Variants in USP49 observed in about 807,000 individuals in gnomAD.
USP49 encodes ubiquitin specific peptidase 49.
In USP49, 24 loss-of-function variants were observed where a neutral mutation model predicts 58.6. The observed-to-expected ratio is 0.41, with a 90% CI of 0.30 to 0.58. USP49 has a LOEUF of 0.58. Ranked by LOEUF, USP49 falls within the 20% of genes least tolerant of loss-of-function variation. The pLI is 0.30. For synonymous variants in USP49, 408 were observed against 365.1 expected, an observed-to-expected ratio of 1.12 and a Z score of -1.34; for missense variants, 703 against 866.1, an observed-to-expected ratio of 0.81 and a Z score of 2.36.
chr6:41,848,507 T>C (rs914139963), intron 3 of USP49, among the ~76,000 whole-genome samples: 1 of 151,862 alleles, frequency 6.6e-6, no homozygotes, highest in Non-Finnish European at 1.5e-5. Context: ...GCTGGGACTA[T>C]GGGTGCATGC....
Position 41,792,314 on chromosome 6 carries a change from A to G in USP49, c.*4219T>C, listed in dbSNP as rs1772811390. ...ATACTGCTTCCGGACATTTTTTGCA[A>G]AAGAACATCAGAACCAATGAAGGTA... On this transcript the variant is annotated 3_prime_UTR_variant, in exon 8 of 8. Transcript: ENST00000682992. The G allele has an allele frequency of 6.6e-6, 1 of 152,208 alleles. No individual in the cohort carries two copies. The highest frequency in any genetic ancestry group is 2.4e-5 in the African/African-American group (1 of 41,444). 9.4% of individuals were successfully genotyped at this position (152,208 alleles called of 1,614,324 possible).
chr6:41,835,353 T>G (rs759203498), intron 3 of USP49, among the ~76,000 whole-genome samples: 3 of 152,174 alleles, frequency 2.0e-5, no homozygotes, highest in Non-Finnish European at 4.4e-5. Context: ...GCAATTTAGA[T>G]TTGCTAGGTT....
chr6:41,842,004 C>T (rs1773836115), intron 3 of USP49, among the ~76,000 whole-genome samples: 1 of 152,074 alleles, frequency 6.6e-6, no homozygotes, highest in Non-Finnish European at 1.5e-5. Context: ...TTGCCATGAG[C>T]TGAGATTGTG....
At chr6:41,853,952 T>C (rs1774077229) in intron 3 of USP49, among the ~76,000 whole-genome samples, 1 of 134,762 alleles carries the variant, frequency 7.4e-6, no homozygotes, top group African/African-American at 2.8e-5. Context: ...TGAGCCAAGA[T>C]TGCGCCATTG....
chr6:41,836,927 A>G (rs1773739086), intron 3 of USP49, among the ~76,000 whole-genome samples: 1 of 152,142 alleles, frequency 6.6e-6, no homozygotes, highest in South Asian at 2.1e-4. Context: ...AGATCTCTAC[A>G]GCGAGAATTA....
chr6:41,863,048 A>G lies in USP49; in HGVS notation c.-29+8516T>C, dbSNP rs968232897. Among the ~76,000 whole-genome samples, 20 of 152,240 alleles carry G rather than the reference A, an allele frequency of 1.3e-4. 1 individual carries two copies. Among genetic ancestry groups the G allele is most frequent in the Admixed American group, 1.1e-3 (17 of 15,278 alleles). On this transcript the variant is annotated intron_variant, in intron 3 of 7. Transcript: ENST00000682992. ...CATCTCAGCCTCCCAAAATGTTGGG[A>G]TTACAGATGTGAGCCACCGCACCTG...
At chr6:41,868,465 T>C (rs1774359025) in intron 3 of USP49, among the ~76,000 whole-genome samples, 1 of 151,942 alleles carries the variant, frequency 6.6e-6, no homozygotes, top group Non-Finnish European at 1.5e-5. Flanking sequence ...GTAGCTGGGA[T>C]TACAGGCACA....
intron 3 of USP49, among the ~76,000 whole-genome samples, chr6:41,849,226 T>A (rs1429883321): frequency 6.6e-6 from 1 of 152,082 alleles, no homozygotes; most frequent in Non-Finnish European, 1.5e-5. Flanking sequence ...AAAAATGACA[T>A]GATAAAAGGG....
intron 4 of USP49, among the ~76,000 whole-genome samples, chr6:41,804,909 C>T (rs754799923): frequency 2.0e-5 from 3 of 152,126 alleles, no homozygotes; most frequent in East Asian, 1.9e-4. Flanking sequence ...CCACCACGCC[C>T]GGCTAATTTT....
chr6:41,841,147 C>G (rs1458577919), intron 3 of USP49, among the ~76,000 whole-genome samples: 1 of 152,140 alleles, frequency 6.6e-6, no homozygotes, highest in African/African-American at 2.4e-5. Context: ...TACTCATTGT[C>G]TGTCTCCCAA....
At chr6:41,878,938 T>C (rs1274344685) in intron 2 of USP49, among the ~76,000 whole-genome samples, 5 of 152,214 alleles carry the variant, frequency 3.3e-5, no homozygotes, top group Non-Finnish European at 4.4e-5. Context: ...GATAATTGCT[T>C]TGAATTGCTG....
rs548556992 is a variant in USP49, at chr6:41,806,332, C to T, written c.652G>A (p.Asp218Asn). ...SARLLLHTPR[D>N]AGPAASRPAA... ...GGGCGCGAGGCAGCCGGGCCCGCGT[C>T]GCGGGGCGTGTGCAGGAGCAGCCGT... The change falls in exon 4 of 8, where the codon GAC becomes AAC. Residue 218 changes from aspartate to asparagine, a missense_variant. This residue lies in a region of USP49 where 376 missense variants were observed against 373.5 expected (regional missense o/e 1.01). Transcript: ENST00000682992. This position sits in a 1 kb window ranked among gnomAD's most constrained non-coding sequence, Gnocchi z 5.9. The T allele has an allele frequency of 4.2e-5, 65 of 1,531,100 alleles. 1 individual carries two copies. In the South Asian group the frequency reaches 8.0e-4, roughly 19 times the overall value. The allele number at this position is 1,531,100 out of a possible 1,614,324, so 94.8% of individuals were successfully genotyped here.
chr6:41,805,136 A>C (rs1561903485), intron 4 of USP49, among the ~76,000 whole-genome samples: 4 of 152,212 alleles, frequency 2.6e-5, no homozygotes, highest in Non-Finnish European at 4.4e-5. Context: ...TACATGGCTA[A>C]AGATGCAGGA....
At chr6:41,810,109 G>A (rs969681974) in intron 3 of USP49, among the ~76,000 whole-genome samples, 5 of 151,450 alleles carry the variant, frequency 3.3e-5, no homozygotes, top group Admixed American at 1.3e-4. Flanking sequence ...CCGAGATCGC[G>A]CCACTGCACT....
chr6:41,814,887 A>G (rs1240393472), intron 3 of USP49, among the ~76,000 whole-genome samples: 2 of 152,196 alleles, frequency 1.3e-5, no homozygotes, highest in Non-Finnish European at 2.9e-5. Context: ...GCTCACTGCC[A>G]TATGCGACAG....
Position 41,808,631 on chromosome 6 carries a change from C to T in USP49, c.-28-1620G>A, listed in dbSNP as rs937902554. ...TTCACCATGTTGACCAGGATGGTCCCGATCTCTTGACCTCGTGATCCGCCC... is the reference window on the plus strand; with the variant it reads ...TTCACCATGTTGACCAGGATGGTCCTGATCTCTTGACCTCGTGATCCGCCC... On this transcript the variant is annotated intron_variant, in intron 3 of 7. Transcript: ENST00000682992. Among the ~76,000 whole-genome samples the T allele has an allele frequency of 3.9e-4, 60 of 151,946 alleles. 1 individual carries two copies. Among genetic ancestry groups the T allele is most frequent in the African/African-American group, 1.3e-3 (55 of 41,368 alleles).
chr6:41,878,768 T>A (rs750066778), intron 2 of USP49, among the ~76,000 whole-genome samples: 15 of 152,226 alleles, frequency 9.9e-5, no homozygotes, highest in Non-Finnish European at 2.2e-4. Flanking sequence ...TCCTCCTAGA[T>A]ACCATATTGT....
chr6:41,875,914 T>C (rs1774496630), intron 2 of USP49, among the ~76,000 whole-genome samples: 1 of 152,036 alleles, frequency 6.6e-6, no homozygotes, highest in Admixed American at 6.6e-5. Context: ...GTATTTTTAG[T>C]AGAGATGGGG....
intron 2 of USP49, among the ~76,000 whole-genome samples, chr6:41,886,158 G>A (rs981219428): frequency 2.0e-5 from 3 of 152,172 alleles, no homozygotes; most frequent in Non-Finnish European, 4.4e-5. Flanking sequence ...ATACAAGCAT[G>A]CAATCAGTGT....
Sources: gnomAD v4.1 joint callset for allele counts (sites outside exome capture counted in the v4.1 genomes callset) on GRCh38, gnomAD v4.1.1 for gene constraint, gnomAD v4.1.1 regional missense constraint, Gnocchi (gnomAD v3.1) non-coding constraint, MANE v1.5 for transcripts, NCBI Gene and HGNC (gene_info 2026-07-23, HGNC 2026-07-21) for gene names.